The following CSNK1G1 variants were observed in gnomAD, a reference collection of about 807,000 sequenced individuals.
The protein encoded by CSNK1G1 is casein kinase I isoform gamma-1.
Under a neutral mutation model 59.6 loss-of-function variants are expected in CSNK1G1, and 22 were observed. That is an observed-to-expected ratio of 0.37 (90% confidence interval 0.26 to 0.53). CSNK1G1 has a LOEUF of 0.53. Ranked by LOEUF, CSNK1G1 falls within the 20% of genes least tolerant of loss-of-function variation. CSNK1G1 has a pLI of 0.89. For missense variants in CSNK1G1, 384 were observed against 519.5 expected, an observed-to-expected ratio of 0.74 and a Z score of 2.54; for synonymous variants, 179 against 177.1, an observed-to-expected ratio of 1.01 and a Z score of -0.08.
chr15:64,233,794 G>A (rs2082579763), intron 4 of CSNK1G1, among the ~76,000 whole-genome samples: 1 of 152,052 alleles, frequency 6.6e-6, no homozygotes, highest in Admixed American at 6.6e-5. Flanking sequence ...CACTATTTAA[G>A]CTCCATTTAA....
intron 4 of CSNK1G1, among the ~76,000 whole-genome samples, chr15:64,250,278 T>C (rs962586141): frequency 1.3e-5 from 2 of 152,198 alleles, no homozygotes; most frequent in East Asian, 3.8e-4. Flanking sequence ...AGAATTCATA[T>C]TAAGTTCAAT....
At chr15:64,349,684 A>AC (rs1898174987) in intron 1 of CSNK1G1, among the ~76,000 whole-genome samples, 1 of 152,176 alleles carries the variant, frequency 6.6e-6, no homozygotes. Flanking sequence ...CTCTGAGATG[A>AC]CTGAGTCTTT....
chr15:64,321,205 A>G (rs1292389822), intron 1 of CSNK1G1, among the ~76,000 whole-genome samples: 1 of 151,966 alleles, frequency 6.6e-6, no homozygotes, highest in Non-Finnish European at 1.5e-5. Flanking sequence ...ATCACACAAA[A>G]TAACAGCTTA....
intron 1 of CSNK1G1, among the ~76,000 whole-genome samples, chr15:64,342,321 G>A (rs538098440): frequency 6.6e-6 from 1 of 152,276 alleles, no homozygotes; most frequent in Non-Finnish European, 1.5e-5. Flanking sequence ...GTGGCTTGCT[G>A]TGAGAATAAA....
intron 4 of CSNK1G1, among the ~76,000 whole-genome samples, chr15:64,245,266 A>G (rs944247632): frequency 1.3e-5 from 2 of 152,226 alleles, no homozygotes; most frequent in Non-Finnish European, 1.5e-5. Context: ...TCAGCAAGCT[A>G]AGAAGCTCCT....
At chr15:64,204,695 C>A (rs1271533268) in intron 8 of CSNK1G1, 106 bp from the exon 9 acceptor site, 8 of 1,289,104 alleles carry the variant, frequency 6.2e-6, no homozygotes, top group Non-Finnish European at 8.8e-6. Context: ...GACAATTTGA[C>A]ACTGATGTTT....
At chr15:64,281,606 G>A (rs1369760276) in intron 2 of CSNK1G1, among the ~76,000 whole-genome samples, 1 of 152,184 alleles carries the variant, frequency 6.6e-6, no homozygotes, top group Non-Finnish European at 1.5e-5. Flanking sequence ...GGGAAGCCAA[G>A]GCAGTTGGAT....
chr15:64,309,974 A>C (rs1037094518), intron 1 of CSNK1G1, among the ~76,000 whole-genome samples: 2 of 151,518 alleles, frequency 1.3e-5, no homozygotes, highest in Admixed American at 1.3e-4. Flanking sequence ...TTAAATTAGC[A>C]GGGTGGCACA....
At chr15:64,172,543 G>A (rs1000247543) in intron 11 of CSNK1G1, among the ~76,000 whole-genome samples, 13 of 152,144 alleles carry the variant, frequency 8.5e-5, no homozygotes, top group African/African-American at 2.2e-4. Context: ...CTCACCCACC[G>A]AAGTAGGCAG....
At chr15:64,173,155 A>T (rs1281913733) in intron 11 of CSNK1G1, among the ~76,000 whole-genome samples, 2 of 152,238 alleles carry the variant, frequency 1.3e-5, no homozygotes, top group East Asian at 3.8e-4. Flanking sequence ...AAAGCCAGCA[A>T]TATTCATATG....
intron 2 of CSNK1G1, among the ~76,000 whole-genome samples, chr15:64,272,391 T>G (rs1566928348): frequency 6.6e-6 from 1 of 152,126 alleles, no homozygotes; most frequent in Non-Finnish European, 1.5e-5. Flanking sequence ...AATTTTTTTG[T>G]ATTTTTTAGT....
chr15:64,204,957 G>C lies in CSNK1G1; in HGVS notation c.766-8C>G. ...CTCTTTTAATGTGTCAGCCTGTAGA[G>C]AGTAAAGAGAGAAAGTTACTTTAAA... On this transcript the variant is annotated splice_region_variant and splice_polypyrimidine_tract_variant and intron_variant, in intron 7 of 11. Transcript: ENST00000303052. 3 of 1,524,474 alleles carry C rather than the reference G, an allele frequency of 2.0e-6. No homozygotes were observed. The highest frequency in any genetic ancestry group is 2.7e-6 in the Non-Finnish European group (3 of 1,105,746). 94.4% of individuals were successfully genotyped at this position (1,524,474 alleles called of 1,614,324 possible). A position where few individuals can be genotyped will look rare whatever the true frequency, so the allele number is the denominator to read the frequency against.
Position 64,259,259 on chromosome 15 carries a change from T to C in CSNK1G1, c.182-18A>G, listed in dbSNP as rs993296525. On this transcript the variant is annotated intron_variant, in intron 2 of 11. Transcript: ENST00000303052. Reference sequence around the variant, plus strand: ...ATTTTTACCTAAGAGGAAAGCAGAATGTATATGTTTTAGTGACATTTATTC... The same window carrying C: ...ATTTTTACCTAAGAGGAAAGCAGAACGTATATGTTTTAGTGACATTTATTC... The C allele has an allele frequency of 4.5e-6, 7 of 1,572,376 alleles. No homozygotes were observed. The highest frequency in any genetic ancestry group is 6.1e-6 in the Non-Finnish European group (7 of 1,152,756).
intron 1 of CSNK1G1, 107 bp from the exon 2 acceptor site, chr15:64,300,830 T>A (rs1381637437): frequency 1.7e-6 from 1 of 606,048 alleles, no homozygotes; most frequent in East Asian, 3.5e-5. Context: ...GCAAAATGCA[T>A]AGCTTCTGAA....
chr15:64,351,026 G>A (rs943164351), intron 1 of CSNK1G1, among the ~76,000 whole-genome samples: 9 of 151,666 alleles, frequency 5.9e-5, no homozygotes, highest in South Asian at 2.1e-4. Flanking sequence ...AGTTATTTCC[G>A]GAAAATACAC....
chr15:64,203,065 G>T lies in CSNK1G1; in HGVS notation c.1107+17C>A. 1.9e-6 allele frequency: 3 copies of T among 1,576,818 alleles called. No homozygotes were observed. Among genetic ancestry groups the T allele is most frequent in the Middle Eastern group, 1.7e-4 (1 of 5,986 alleles). On this transcript the variant is annotated intron_variant, in intron 10 of 11. Transcript: ENST00000303052. Reference sequence around the variant, plus strand: ...GAAGAAGGGTAGTGTCTGAAAGAATGGAGGATCAACACATACCTGATTTCG... The same window carrying T: ...GAAGAAGGGTAGTGTCTGAAAGAATTGAGGATCAACACATACCTGATTTCG...
At chr15:64,182,395 A>G (rs1357234303) in intron 10 of CSNK1G1, among the ~76,000 whole-genome samples, 1 of 152,092 alleles carries the variant, frequency 6.6e-6, no homozygotes, top group Non-Finnish European at 1.5e-5. Flanking sequence ...TTTATAGAAG[A>G]CTTTTATTTG....
intron 2 of CSNK1G1, among the ~76,000 whole-genome samples, chr15:64,294,945 G>T (rs1037709002): frequency 2.6e-5 from 4 of 151,150 alleles, no homozygotes; most frequent in Admixed American, 1.3e-4. Context: ...AGAGGGTCGG[G>T]GGGTGGCCAG....
At chr15:64,291,980 C>A (rs996138548) in intron 2 of CSNK1G1, among the ~76,000 whole-genome samples, 1 of 152,008 alleles carries the variant, frequency 6.6e-6, no homozygotes. Context: ...AGGTGGATCA[C>A]AAGGTCAGGA....
Sources: allele counts gnomAD v4.1 joint callset (sites outside exome capture counted in the v4.1 genomes callset), GRCh38; gene constraint gnomAD v4.1.1; transcripts MANE v1.5; gene names NCBI Gene and HGNC (gene_info 2026-07-23, HGNC 2026-07-21).